Variants in FMN2 observed in about 807,000 individuals in gnomAD.
The protein encoded by FMN2 is formin 2, also known as formin-2.
In FMN2, 51 loss-of-function variants were observed where a neutral mutation model predicts 142.3. The observed-to-expected ratio is 0.36, with a 90% confidence interval of 0.29 to 0.45. FMN2 has a LOEUF of 0.45. FMN2 is among the 20% of genes least tolerant of loss of function. The probability of loss-of-function intolerance (pLI) is 1.00; values close to 1 mark genes in which losing one functional copy is unlikely to be tolerated. For synonymous variants in FMN2, 882 were observed against 869.8 expected, an observed-to-expected ratio of 1.01 and a Z score of -0.25; for missense variants, 1,936 against 2,122.8, an observed-to-expected ratio of 0.91 and a Z score of 1.73.
intron 14 of FMN2, among the ~76,000 whole-genome samples, chr1:240,388,885 G>A (rs573255389): frequency 4.0e-5 from 6 of 150,892 alleles, no homozygotes; most frequent in Admixed American, 1.3e-4. Context: ...AAAGGGGGGG[G>A]GTCAAGCATT....
chr1:240,208,502 A>G lies in FMN2; in HGVS notation c.3690A>G (p.Thr1230=), dbSNP rs1666541118. 1.9e-6 allele frequency: 3 copies of G among 1,609,532 alleles called. No homozygotes were observed. The highest frequency in any genetic ancestry group is 2.5e-6 in the Non-Finnish European group (3 of 1,178,430). Residue 1230 remains threonine (T), a synonymous_variant, in exon 5 of 18, where the codon ACA becomes ACG. Transcript: ENST00000319653. ...APAPPLPPPG[T]GIPPPPLLPV... Reference sequence around the variant, plus strand: ...CTCCCCCACTCCCTCCACCTGGGACAGGAATCCCACCGCCCCCTCTGCTTC... The same window carrying G: ...CTCCCCCACTCCCTCCACCTGGGACGGGAATCCCACCGCCCCCTCTGCTTC...
chr1:240,124,554 AT>A (rs1270015217), intron 2 of FMN2, among the ~76,000 whole-genome samples: 3 of 152,168 alleles, frequency 2.0e-5, no homozygotes, highest in Non-Finnish European at 1.5e-5. Context: ...ATTGGTTGGG[AT>A]GAGTACGCCT....
At chr1:240,246,574 A>G (rs770426407) in intron 6 of FMN2, among the ~76,000 whole-genome samples, 17 of 152,192 alleles carry the variant, frequency 1.1e-4, no homozygotes, top group Non-Finnish European at 1.8e-4. Flanking sequence ...CAATCTGTGC[A>G]CCAGAAGAAC....
chr1:240,398,953 A>G (rs1433266093), intron 15 of FMN2, among the ~76,000 whole-genome samples: 3 of 152,102 alleles, frequency 2.0e-5, no homozygotes, highest in South Asian at 2.1e-4. Flanking sequence ...GACTCGGGCA[A>G]TGTATTTGTT....
At chr1:240,244,001 T>C (rs561339986) in intron 6 of FMN2, among the ~76,000 whole-genome samples, 10 of 152,370 alleles carry the variant, frequency 6.6e-5, no homozygotes, top group Admixed American at 1.3e-4. Flanking sequence ...ATATACCACC[T>C]TGTGCTCTAA....
rs80098660 is a variant in FMN2 at position 240,143,595 on chromosome 1, A to C, written c.1782+20250A>C. 7.5e-6 allele frequency: 12 copies of C among 1,607,586 alleles called. No homozygotes were observed. In the Admixed American group the frequency reaches 1.2e-4, roughly 16 times the overall value. On this transcript the variant is annotated intron_variant, in intron 2 of 17. Coordinates refer to ENST00000319653, the MANE Select transcript of FMN2 (RefSeq NM_020066.5). ...TCCCAGAGCCTGCCTATGCACACAC[A>C]TCTACCAGTGTGTTGGCAAAACTGC...
intron 16 of FMN2, among the ~76,000 whole-genome samples, chr1:240,453,674 G>A (rs1043711515): frequency 1.4e-4 from 21 of 152,256 alleles, no homozygotes; most frequent in Non-Finnish European, 2.8e-4. Context: ...TAGAGATGAG[G>A]AAGAATAATG....
chr1:240,122,075 A>AATTAATTAATTTATTT lies in FMN2; in HGVS notation c.1616-1101_1616-1100insAATTAATTTATTTATT, dbSNP rs547438686. ...CTTTTGGATCCAAAATTAATTAATT[A>AATTAATTAATTTATTT]ATTTATTTATTTATTTATGAATTAT... On this transcript the variant is annotated intron_variant, in intron 1 of 17. Coordinates refer to ENST00000319653, the MANE Select transcript of FMN2 (RefSeq NM_020066.5). 2.3e-3 allele frequency among the ~76,000 whole-genome samples: 344 copies of AATTAATTAATTTATTT among 146,676 alleles called. 1 individual carries two copies. Among genetic ancestry groups the AATTAATTAATTTATTT allele is most frequent in the African/African-American group, 8.1e-3 (328 of 40,294 alleles).
rs1666378746 is a variant in FMN2, at chr1:240,207,009, G to A, written c.2197G>A (p.Val733Ile). Residue 733 changes from valine to isoleucine, a missense_variant, in exon 5 of 18, where the codon GTA becomes ATA. Physicochemically the swap from Val to Ile is conservative, Grantham distance 29. This residue lies in a region of FMN2 where 478 missense variants were observed against 462.8 expected (regional missense o/e 1.03). Transcript: ENST00000319653. Reference sequence around the variant, plus strand: ...AGCTCTCAGGTTAGAAGAAAAGGAAGTACGGCATCATAGGATTTTAGAGGC... The same window carrying A: ...AGCTCTCAGGTTAGAAGAAAAGGAAATACGGCATCATAGGATTTTAGAGGC... Reference protein sequence around the residue: ...LEALRLEEKEVRHHRILEAKS... With the variant: ...LEALRLEEKEIRHHRILEAKS... The A allele has an allele frequency of 6.2e-7, 1 of 1,614,206 alleles. No homozygotes were observed.
chr1:240,241,800 A>G (rs1017873832), intron 6 of FMN2, among the ~76,000 whole-genome samples: 42 of 94,132 alleles, frequency 4.5e-4, no homozygotes, highest in African/African-American at 1.0e-3. Context: ...GGTAGGTATC[A>G]TTTTCTTTAT....
At chr1:240,293,575 G>A (rs1283214759) in intron 7 of FMN2, among the ~76,000 whole-genome samples, 1 of 152,026 alleles carries the variant, frequency 6.6e-6, no homozygotes, top group African/African-American at 2.4e-5. Flanking sequence ...TATAGTCAAA[G>A]GTATTTGGAC....
Position 240,296,208 on chromosome 1 carries a change from TTTTTA to T in FMN2, c.4215+1326_4215+1330del, listed in dbSNP as rs781035361. Among the ~76,000 whole-genome samples the T allele has an allele frequency of 4.1e-3, 575 of 141,960 alleles. 3 individuals are homozygous for T. Among genetic ancestry groups the T allele is most frequent in the South Asian group, 0.012 (51 of 4,328 alleles). 93.1% of individuals were successfully genotyped at this position (141,960 alleles called of 152,430 possible). On this transcript the variant is annotated intron_variant, in intron 8 of 17. Transcript: ENST00000319653. ...TTATGTAGTACTTTTTTTTTTTTTT[TTTTTA>T]ACAAAGGTGGTAGAGAAAGGGAGTA...
chr1:240,093,622 C>T lies in FMN2; in HGVS notation c.1513C>T (p.Arg505Cys). 1 of 1,421,474 alleles carries T rather than the reference C, an allele frequency of 7.0e-7. No individual in the cohort carries two copies. Among genetic ancestry groups the T allele is most frequent in the Non-Finnish European group, 9.1e-7 (1 of 1,098,722 alleles). 88.1% of individuals were successfully genotyped at this position (1,421,474 alleles called of 1,614,324 possible). Residue 505 changes from arginine (R) to cysteine (C), a missense_variant, in exon 1 of 18, where the codon CGC (arginine) becomes TGC (cysteine). Transcript: ENST00000319653. ...GGGAGGCTCCGCGCACCTGCTGGAG[C>T]GCGGGGTGGCGAGTGACAGCGGCGG... ...RVGGSAHLLE[R>C]GVASDSGGGV...
chr1:240,185,739 C>T (rs1665419239), intron 3 of FMN2, among the ~76,000 whole-genome samples: 1 of 152,160 alleles, frequency 6.6e-6, no homozygotes, highest in South Asian at 2.1e-4. Flanking sequence ...ACCAGGAGAG[C>T]CTTTAGGCTC....
At position 240,473,067 on chromosome 1, in the gene FMN2, A is replaced by C. The variant is rs1440134997; in HGVS notation, c.5142+614A>C. On this transcript the variant is annotated intron_variant, in intron 17 of 17. Coordinates refer to ENST00000319653, the MANE Select transcript of FMN2 (RefSeq NM_020066.5). The surrounding 1 kb of genome is among the most constrained non-coding windows in gnomAD (Gnocchi z 4.3). ...CCATCTTTCACTTTCTTTGTTACAC[A>C]CAGATCACGGCAGAGGCTGTATTTG... Among the ~76,000 whole-genome samples the C allele has an allele frequency of 3.9e-5, 6 of 152,122 alleles. No individual in the cohort carries two copies. The highest frequency in any genetic ancestry group is 8.8e-5 in the Non-Finnish European group (6 of 68,028).
At chr1:240,129,375 T>G (rs1339182795) in intron 2 of FMN2, among the ~76,000 whole-genome samples, 2 of 152,174 alleles carry the variant, frequency 1.3e-5, no homozygotes. Context: ...TTGTTTTTAT[T>G]TTAAAGATGG....
At chr1:240,254,255 G>A (rs548858167) in intron 6 of FMN2, among the ~76,000 whole-genome samples, 29 of 152,192 alleles carry the variant, frequency 1.9e-4, no homozygotes, top group African/African-American at 6.7e-4. Context: ...GACAGGCCAC[G>A]CGGGGCAGTC....
intron 8 of FMN2, among the ~76,000 whole-genome samples, chr1:240,322,592 A>G (rs1671009662): frequency 6.6e-6 from 1 of 152,190 alleles, no homozygotes; most frequent in Non-Finnish European, 1.5e-5. Flanking sequence ...ATAAAATTAC[A>G]GTGGCGGTAT....
intron 2 of FMN2, among the ~76,000 whole-genome samples, chr1:240,146,393 CA>C (rs71170704): frequency 0.021 from 2,079 of 99,402 alleles, 41 homozygotes; most frequent in African/African-American, 0.07. Flanking sequence ...GACTCTGTCT[CA>C]AAAAAAAAAA....
Sources: gnomAD v4.1 joint callset for allele counts (sites outside exome capture counted in the v4.1 genomes callset) on GRCh38, gnomAD v4.1.1 for gene constraint, gnomAD v4.1.1 regional missense constraint, Gnocchi (gnomAD v3.1) non-coding constraint, MANE v1.5 for transcripts, NCBI Gene and HGNC (gene_info 2026-07-23, HGNC 2026-07-21) for gene names.